TENM1: variants seen among roughly 807,000 people sequenced by gnomAD.
The protein encoded by TENM1 is teneurin transmembrane protein 1, also known as teneurin-1.
In TENM1, 35 loss-of-function variants were observed where a neutral mutation model predicts 174.8. The ratio of observed to expected loss-of-function variants is 0.20; its 90% CI spans 0.15 to 0.27. The LOEUF is 0.27. Among genes scored for constraint, TENM1 ranks in the 10% least tolerant of loss-of-function variants. The pLI is 1.00. For missense variants in TENM1, 1,633 were observed against 2,130.1 expected (o/e 0.77, Z 4.59); for synonymous variants, 781 against 798.7 (o/e 0.98, Z 0.37).
rs780474548 is a variant in TENM1, at chrX:124,395,714, C to T, written c.5392-3366G>A. On this transcript the variant is annotated intron_variant, in intron 27 of 31. Coordinates refer to ENST00000422452, the Ensembl canonical transcript of TENM1. ...GCATATTTCCTGTCTTTTGATACAA[C>T]GGGCCTGGAAGCCTATAGGAAACCA... Among the ~76,000 whole-genome samples, 8 of 111,887 alleles carry T rather than the reference C, an allele frequency of 7.2e-5. No homozygotes were observed. In the South Asian group the frequency reaches 2.6e-3, roughly 37 times the overall value.
the TENM1 span, among the ~76,000 whole-genome samples, chrX:125,200,656 A>T: frequency 1.3e-3 from 125 of 94,464 alleles, no homozygotes; most frequent in East Asian, 4.5e-3. Context: ...TGTGTGTGTG[A>T]GAGAGAGAGA....
chrX:125,193,465 C>T, the TENM1 span, among the ~76,000 whole-genome samples: 1 of 111,844 alleles, frequency 8.9e-6, no homozygotes, highest in Non-Finnish European at 1.9e-5. Context: ...AAAGGATCCT[C>T]CTGCCTCAGC....
Position 124,760,900 on chromosome X carries a change from A to G in TENM1, c.536-23703T>C, listed in dbSNP as rs141995554. ...AAGTGCGCAAAGGATATGAACAGAC[A>G]CTTCAAAAGAAGACATTAATGCAGC... On this transcript the variant is annotated intron_variant, in intron 3 of 31. Transcript: ENST00000422452. Among the ~76,000 whole-genome samples, 454 of 112,119 alleles carry G rather than the reference A, an allele frequency of 4.0e-3. 3 individuals are homozygous for G. The highest frequency in any genetic ancestry group is 0.014 in the African/African-American group (429 of 30,870).
intron 10 of TENM1, 55 bp from the exon 14 acceptor site, chrX:124,642,046 C>A: frequency 1.2e-6 from 1 of 848,484 alleles, no homozygotes; most frequent in Non-Finnish European, 1.8e-6. Context: ...CAGGTATGGC[C>A]AACATACCTT....
the TENM1 span, among the ~76,000 whole-genome samples, chrX:125,052,894 G>A: frequency 3.6e-5 from 4 of 111,456 alleles, no homozygotes; most frequent in Admixed American, 9.5e-5. Flanking sequence ...TTTTTTCTTC[G>A]TTTGATTGAG....
At chrX:124,713,750 G>A (rs2053116920) in intron 4 of TENM1, among the ~76,000 whole-genome samples, 1 of 112,044 alleles carries the variant, frequency 8.9e-6, no homozygotes, top group Non-Finnish European at 1.9e-5. Flanking sequence ...ATATTGATTT[G>A]TATGATGCCT....
At chrX:124,778,145 G>A (rs2054825784) in intron 3 of TENM1, among the ~76,000 whole-genome samples, 1 of 112,914 alleles carries the variant, frequency 8.9e-6, no homozygotes, top group African/African-American at 3.2e-5. Context: ...TTTTGTTCCA[G>A]TAGGGACAGT....
the TENM1 span, among the ~76,000 whole-genome samples, chrX:125,082,366 C>T: frequency 9.1e-6 from 1 of 110,235 alleles, no homozygotes; most frequent in African/African-American, 3.3e-5. Flanking sequence ...CACCTGATTC[C>T]TCTGCTCAAA....
chrX:125,054,106 G>C, the TENM1 span, among the ~76,000 whole-genome samples: 2 of 111,469 alleles, frequency 1.8e-5, no homozygotes, highest in East Asian at 5.7e-4. Flanking sequence ...TAGTCACAGG[G>C]TAGGCCCAAG....
At chrX:124,921,918 C>T (rs907862130) in intron 1 of TENM1, among the ~76,000 whole-genome samples, 31 of 111,700 alleles carry the variant, frequency 2.8e-4, no homozygotes, top group African/African-American at 3.6e-4. Flanking sequence ...ATTGATTACA[C>T]GTTGAAATGA....
chrX:124,542,831 C>T (rs959058003), intron 15 of TENM1, among the ~76,000 whole-genome samples: 1 of 111,127 alleles, frequency 9.0e-6, no homozygotes, highest in African/African-American at 3.3e-5. Context: ...GGTACTCCAG[C>T]GAACTAAGGG....
exon 24 of TENM1, chrX:124,422,543 G>A (rs747551884): frequency 8.3e-7 from 1 of 1,210,978 alleles, no homozygotes; most frequent in Non-Finnish European, 1.1e-6. Context: ...GAACACGCCT[G>A]TTCTCAGAAA....
At chrX:124,563,382 T>TTATTAAAAATTATTTAATAATTATTAAAG (rs2048865296) in intron 13 of TENM1, among the ~76,000 whole-genome samples, 1 of 101,424 alleles carries the variant, frequency 9.9e-6, no homozygotes, top group Non-Finnish European at 1.9e-5. Context: ...AATTATTAAA[T>TTATTAAAAATTATTTAATAATTATTAAAG]TATTAAAAAT....
chrX:125,094,189 T>C, the TENM1 span, among the ~76,000 whole-genome samples: 1 of 112,176 alleles, frequency 8.9e-6, no homozygotes, highest in African/African-American at 3.2e-5. Context: ...TCTATTGAAT[T>C]TGTTCTCTGA....
At chrX:124,947,713 T>C (rs1319003201) in intron 1 of TENM1, among the ~76,000 whole-genome samples, 3 of 112,264 alleles carry the variant, frequency 2.7e-5, no homozygotes, top group Non-Finnish European at 5.6e-5. Context: ...AACTTCATTT[T>C]AAACTTGGGA....
chrX:125,028,613 C>T, the TENM1 span, among the ~76,000 whole-genome samples: 1 of 111,184 alleles, frequency 9.0e-6, no homozygotes, highest in African/African-American at 3.3e-5. Context: ...ATAATTTGTA[C>T]AACAAACCCC....
chrX:124,990,889 T>G, the TENM1 span, among the ~76,000 whole-genome samples: 13,224 of 111,039 alleles, frequency 0.12, 797 homozygotes, highest in Non-Finnish European at 0.18. Context: ...TCGGCAACTT[T>G]GAGTAGCAAG....
chrX:125,137,992 A>G, the TENM1 span, among the ~76,000 whole-genome samples: 1 of 111,627 alleles, frequency 9.0e-6, no homozygotes, highest in African/African-American at 3.3e-5. Context: ...GTCCTTGCCA[A>G]TTTTAAATCA....
rs746808646 is a variant in TENM1 at position 124,429,334 on chromosome X, A to G, written c.4105-6696T>C. The stretch of plus-strand genomic sequence containing the variant: ...GTTCAATGCTTTATGAGTTTTGACC[A>G]CGTGCCAGGCACTATGTTATAAAGG... On this transcript the variant is annotated intron_variant, in intron 23 of 31. Transcript: ENST00000422452. Among the ~76,000 whole-genome samples the G allele has an allele frequency of 2.7e-5, 3 of 111,346 alleles. No individual in the cohort carries two copies. The East Asian group carries it at 8.5e-4, about 31-fold the overall frequency.
Sources: allele counts gnomAD v4.1 joint callset (sites outside exome capture counted in the v4.1 genomes callset), GRCh38; gene constraint gnomAD v4.1.1; transcripts MANE v1.5; gene names NCBI Gene and HGNC (gene_info 2026-07-23, HGNC 2026-07-21).